Variants in SYNE3 observed in about 807,000 individuals in gnomAD.
SYNE3 encodes spectrin repeat containing nuclear envelope family member 3.
SYNE3 carries 100 observed loss-of-function variants against 111.2 expected under a neutral mutation model. The observed-to-expected ratio is 0.90, with a 90% CI of 0.77 to 1.06. SYNE3 has a LOEUF of 1.06. SYNE3 is among the 50% of genes least tolerant of loss of function. The pLI is 0.00. For synonymous variants in SYNE3, 547 were observed against 533.9 expected, an observed-to-expected ratio of 1.02 and a Z score of -0.34; for missense variants, 1,160 against 1,240.3, an observed-to-expected ratio of 0.94 and a Z score of 0.97.
intron 1 of SYNE3, among the ~76,000 whole-genome samples, chr14:95,490,958 C>A (rs903358596): frequency 2.6e-5 from 4 of 152,366 alleles, no homozygotes; most frequent in East Asian, 1.9e-4. Flanking sequence ...TATGTCTCAT[C>A]CCCTCTGTAT....
At chr14:95,421,667 G>A (rs1372018078) in intron 17 of SYNE3, among the ~76,000 whole-genome samples, 1 of 152,184 alleles carries the variant, frequency 6.6e-6, no homozygotes, top group East Asian at 1.9e-4. Context: ...GATGGGTGTG[G>A]GGCAGAGAGG....
chr14:95,454,907 T>A (rs1888803086), intron 6 of SYNE3, among the ~76,000 whole-genome samples: 1 of 152,170 alleles, frequency 6.6e-6, no homozygotes, highest in East Asian at 1.9e-4. Flanking sequence ...TGTCGGGGTC[T>A]GGGAAGCACC....
rs1903333496 is a variant in SYNE3 at position 95,408,190 on chromosome 14, T to C, written c.*9636A>G. 6.6e-6 allele frequency: 1 copy of C among 151,734 alleles called. No individual in the cohort carries two copies. The highest frequency in any genetic ancestry group is 1.5e-5 in the Non-Finnish European group (1 of 67,944). 9.4% of individuals were successfully genotyped at this position (151,734 alleles called of 1,614,324 possible). On this transcript the variant is annotated 3_prime_UTR_variant, in exon 18 of 18. Coordinates refer to ENST00000682763, the MANE Select transcript of SYNE3 (RefSeq NM_152592.6). ...GCCCTCCCATGGGACGGATGACAAA[T>C]GAAACGAAAAAATCCATCTGGGTGG...
intron 1 of SYNE3, among the ~76,000 whole-genome samples, chr14:95,497,635 G>A (rs1349520002): frequency 6.6e-6 from 1 of 152,184 alleles, no homozygotes; most frequent in African/African-American, 2.4e-5. Context: ...GACTGTTTCT[G>A]GAGACGGTCA....
At chr14:95,505,638 G>C (rs1463291130) in intron 1 of SYNE3, among the ~76,000 whole-genome samples, 1 of 151,354 alleles carries the variant, frequency 6.6e-6, no homozygotes, top group Non-Finnish European at 1.5e-5. Flanking sequence ...TATTTTAAAA[G>C]AAGTTTTTTT....
At chr14:95,434,222 T>A (rs1023517755) in intron 15 of SYNE3, among the ~76,000 whole-genome samples, 10 of 151,788 alleles carry the variant, frequency 6.6e-5, no homozygotes, top group African/African-American at 2.4e-4. Flanking sequence ...GGCATAAAAG[T>A]ATTAACAAAA....
intron 1 of SYNE3, among the ~76,000 whole-genome samples, chr14:95,509,544 T>A (rs1890650001): frequency 6.6e-6 from 1 of 152,046 alleles, no homozygotes; most frequent in African/African-American, 2.4e-5. Flanking sequence ...ACCTTAGAAA[T>A]CTCCTAATCT....
chr14:95,495,807 A>T (rs1890066060), intron 1 of SYNE3, among the ~76,000 whole-genome samples: 2 of 152,262 alleles, frequency 1.3e-5, no homozygotes, highest in South Asian at 4.1e-4. Flanking sequence ...ACTGAGAGAC[A>T]GACGGGGTGG....
intron 1 of SYNE3, among the ~76,000 whole-genome samples, chr14:95,511,234 G>A (rs1382463250): frequency 2.0e-5 from 3 of 152,202 alleles, no homozygotes; most frequent in African/African-American, 4.8e-5. Flanking sequence ...AATCAAGTAC[G>A]CCTGCAAAAA....
chr14:95,432,110 C>T lies in SYNE3; in HGVS notation c.2696G>A (p.Ser899Asn), dbSNP rs753631914. ...LKDSGHLLTQ[S>N]SPGEPTGFQK... ...GAATCCAGTCGGCTCCCCTGGAGAA[C>T]TTTGTGTCTGTTATTTTAGGGAAGG... The change falls in exon 17 of 18, where the codon AGT becomes AAT. Residue 899 changes from serine (S) to asparagine (N), a missense_variant. Physicochemically the swap from Ser to Asn is conservative, Grantham distance 46. Transcript: ENST00000682763. The T allele has an allele frequency of 6.2e-7, 1 of 1,612,308 alleles. No individual in the cohort carries two copies. The highest frequency in any genetic ancestry group is 1.1e-5 in the South Asian group (1 of 90,602).
rs911236814 is a variant in SYNE3 at position 95,407,346 on chromosome 14, G to C, written c.*10480C>G. The C allele has an allele frequency of 6.6e-6, 1 of 152,142 alleles. No homozygotes were observed. Among genetic ancestry groups the C allele is most frequent in the East Asian group, 1.9e-4 (1 of 5,186 alleles). 9.4% of individuals were successfully genotyped at this position (152,142 alleles called of 1,614,324 possible). A position where few individuals can be genotyped will look rare whatever the true frequency, so the allele number is the denominator to read the frequency against. ...AAAAACATAAAACAACAGCAAAAAC[G>C]TCAAACCATCTTTTAGAACACTGCT... On this transcript the variant is annotated 3_prime_UTR_variant, in exon 18 of 18. Coordinates refer to ENST00000682763, the MANE Select transcript of SYNE3 (RefSeq NM_152592.6).
chr14:95,503,575 A>C (rs568930998), intron 1 of SYNE3, among the ~76,000 whole-genome samples: 2 of 150,330 alleles, frequency 1.3e-5, no homozygotes, highest in Admixed American at 6.6e-5. Context: ...TATTTTAAAC[A>C]GTAGACACGA....
chr14:95,416,429 A>G lies in SYNE3; in HGVS notation c.*1397T>C, dbSNP rs1903583396. On this transcript the variant is annotated 3_prime_UTR_variant, in exon 18 of 18. Transcript: ENST00000682763. ...ATCCATTTGTAGAGAGTGGGCATTA[A>G]GTACTTTTTTAAAGGGGAAAATTTA... The G allele has an allele frequency of 6.6e-6, 1 of 152,256 alleles. No homozygotes were observed. The highest frequency in any genetic ancestry group is 1.5e-5 in the Non-Finnish European group (1 of 68,050). 9.4% of individuals were successfully genotyped at this position (152,256 alleles called of 1,614,324 possible).
At chr14:95,469,504 G>A (rs904638197) in intron 2 of SYNE3, among the ~76,000 whole-genome samples, 1 of 147,166 alleles carries the variant, frequency 6.8e-6, no homozygotes, top group Non-Finnish European at 1.5e-5. Flanking sequence ...AGACCAGCCT[G>A]GACAACACAG....
At chr14:95,451,210 G>A (rs921949415) in intron 7 of SYNE3, 6 of 152,196 alleles carry the variant, frequency 3.9e-5, no homozygotes, top group East Asian at 3.9e-4. Flanking sequence ...TCCAACAGAC[G>A]GATGGCCCAG....
At position 95,412,770 on chromosome 14, in the gene SYNE3, T is replaced by C. The variant is rs753556622; in HGVS notation, c.*5056A>G. ...CTCTTCTCCCAACCATCTCCTGGGT[T>C]CCCAAACTTTCAGACAGCATGTTTT... On this transcript the variant is annotated 3_prime_UTR_variant, in exon 18 of 18. Transcript: ENST00000682763. 6 of 152,204 alleles carry C rather than the reference T, an allele frequency of 3.9e-5. No individual in the cohort carries two copies. The highest frequency in any genetic ancestry group is 8.8e-5 in the Non-Finnish European group (6 of 68,050). The allele number at this position is 152,204 out of a possible 1,614,324, so 9.4% of individuals were successfully genotyped here.
intron 7 of SYNE3, 77 bp from the exon 8 acceptor site, chr14:95,450,182 C>A: frequency 6.7e-7 from 1 of 1,489,034 alleles, no homozygotes. Context: ...TCCGCCAAGA[C>A]CCTCAAGAGG....
In SYNE3 at chr14:95,457,179, G is replaced by C. The variant is rs759834620; in HGVS notation, c.787C>G (p.Gln263Glu). Reference protein sequence around the residue: ...LPITQRLSTLQDIAKDFPRGE... With the variant: ...LPITQRLSTLEDIAKDFPRGE... ...GTTGAGACACAGCTGGGGATTACCT[G>C]CAGTGTGGAGAGGCGCTGCGTGATG... The change falls in exon 5 of 18, where the codon CAG (glutamine) becomes GAG (glutamate). Residue 263 changes from glutamine (Q) to glutamate (E), a missense_variant and splice_region_variant. Transcript: ENST00000682763. 9 of 1,613,460 alleles carry C rather than the reference G, an allele frequency of 5.6e-6. No homozygotes were observed. Among genetic ancestry groups the C allele is most frequent in the Non-Finnish European group, 7.6e-6 (9 of 1,179,766 alleles).
chr14:95,476,156 C>T (rs1242852275), intron 1 of SYNE3, among the ~76,000 whole-genome samples: 2 of 152,230 alleles, frequency 1.3e-5, no homozygotes, highest in Non-Finnish European at 2.9e-5. Context: ...TCAGATTGCA[C>T]GCTCTCCAAA....
Sources: allele counts gnomAD v4.1 joint callset (sites outside exome capture counted in the v4.1 genomes callset), GRCh38; gene constraint gnomAD v4.1.1; transcripts MANE v1.5; gene names NCBI Gene and HGNC (gene_info 2026-07-23, HGNC 2026-07-21).